The following DDAH1 variants were observed in gnomAD, a reference collection of about 807,000 sequenced individuals.
The protein encoded by DDAH1 is N(G),N(G)-dimethylarginine dimethylaminohydrolase 1.
Under a neutral mutation model 28.8 loss-of-function variants are expected in DDAH1, and 19 were observed. The observed-to-expected ratio is 0.66, with a 90% confidence interval of 0.46 to 0.97. The LOEUF (loss-of-function observed/expected upper bound fraction) is 0.97, where lower values mean the gene tolerates loss of function less well. Among genes scored for constraint, DDAH1 ranks in the 50% least tolerant of loss-of-function variants. The probability of loss-of-function intolerance (pLI) is 0.00; values close to 1 mark genes in which losing one functional copy is unlikely to be tolerated. For synonymous variants in DDAH1, 153 were observed against 154.4 expected (o/e 0.99, Z 0.07); for missense variants, 326 against 375.9 (o/e 0.87, Z 1.10).
chr1:85,381,691 C>T (rs1651001989), intron 1 of DDAH1, among the ~76,000 whole-genome samples: 1 of 151,500 alleles, frequency 6.6e-6, no homozygotes, highest in Non-Finnish European at 1.5e-5. Context: ...TTTTATTGCA[C>T]TTTGCTTTAT....
intron 1 of DDAH1, among the ~76,000 whole-genome samples, chr1:85,570,379 C>A (rs1163236677): frequency 2.0e-5 from 3 of 151,388 alleles, no homozygotes; most frequent in Non-Finnish European, 4.4e-5. Flanking sequence ...CACACACACA[C>A]ACACACACAC....
rs544671765 is a variant in DDAH1, at chr1:85,349,187, G to A, written c.597+1228C>T. Among the ~76,000 whole-genome samples the A allele has an allele frequency of 2.0e-5, 3 of 152,228 alleles. No individual in the cohort carries two copies. In the South Asian group the frequency reaches 6.2e-4, roughly 32 times the overall value. On this transcript the variant is annotated intron_variant, in intron 4 of 5. Transcript: ENST00000284031. Reference sequence around the variant, plus strand: ...ACAAAAGACATTCTCTAAAGTAAACGAACAAAAGCCACCATGATACAAATC... The same window carrying A: ...ACAAAAGACATTCTCTAAAGTAAACAAACAAAAGCCACCATGATACAAATC...
At chr1:85,434,034 T>TATC (rs1653822338) in intron 1 of DDAH1, among the ~76,000 whole-genome samples, 1 of 152,192 alleles carries the variant, frequency 6.6e-6, no homozygotes, top group Admixed American at 6.5e-5. Context: ...TAAGATACCA[T>TATC]ATCAGGATGT....
chr1:85,570,969 G>A lies in DDAH1; in HGVS notation c.-123+7015C>T, dbSNP rs576000119. 6.6e-5 allele frequency among the ~76,000 whole-genome samples: 10 copies of A among 152,294 alleles called. No homozygotes were observed. The South Asian group carries it at 8.3e-4, about 13-fold the overall frequency. On this transcript the variant is annotated intron_variant, in intron 1 of 6. Transcript: ENST00000426972. ...TGTAGCAGAAATGTAGAAAGAGGAC[G>A]GAACTTGGAGTCAGACAGGCCTGGA...
At chr1:85,350,338 C>T in intron 4 of DDAH1, 77 bp downstream of exon 4, 1 of 1,551,500 alleles carries the variant, frequency 6.4e-7, no homozygotes, top group Non-Finnish European at 8.7e-7. Context: ...CTTGTTACTC[C>T]CCCAGCAGAG....
chr1:85,549,925 C>T (rs541669134), intron 1 of DDAH1, among the ~76,000 whole-genome samples: 1 of 152,122 alleles, frequency 6.6e-6, no homozygotes, highest in East Asian at 1.9e-4. Flanking sequence ...TTCACTGGAA[C>T]CCAGAGCTCT....
intron 1 of DDAH1, among the ~76,000 whole-genome samples, chr1:85,521,313 G>A (rs1314232402): frequency 6.6e-6 from 1 of 151,562 alleles, no homozygotes; most frequent in Non-Finnish European, 1.5e-5. Flanking sequence ...TCATCACCGG[G>A]TCCCACTGCT....
upstream of DDAH1, chr1:85,467,229 G>A (rs915826838): frequency 2.0e-5 from 3 of 152,214 alleles, no homozygotes; most frequent in Admixed American, 1.3e-4. Context: ...GACTTTACCA[G>A]ACATTGAGGC....
intron 1 of DDAH1, among the ~76,000 whole-genome samples, chr1:85,530,160 G>A (rs1232915989): frequency 6.6e-6 from 1 of 152,194 alleles, no homozygotes; most frequent in Non-Finnish European, 1.5e-5. Context: ...TGTGAGGGAG[G>A]GAGGTAATAT....
intron 1 of DDAH1, among the ~76,000 whole-genome samples, chr1:85,454,953 C>T (rs1378418637): frequency 6.6e-6 from 1 of 152,142 alleles, no homozygotes; most frequent in African/African-American, 2.4e-5. Context: ...AATCAATAAC[C>T]TTTCGACTAG....
rs560688756 is a variant in DDAH1, at chr1:85,522,986, G to A, written c.-122-26705C>T. The stretch of plus-strand genomic sequence containing the variant: ...ATAAGAGAGGGTCCCTATCCTTGAT[G>A]AGACTGTAATCTAGCAGTAGAGACA... On this transcript the variant is annotated intron_variant, in intron 1 of 6. Transcript: ENST00000426972. Among the ~76,000 whole-genome samples the A allele has an allele frequency of 2.5e-3, 383 of 151,070 alleles. 2 individuals are homozygous for A. The Middle Eastern group carries it at 0.027, about 11-fold the overall frequency.
chr1:85,562,733 C>G (rs1659174502), intron 1 of DDAH1, among the ~76,000 whole-genome samples: 1 of 152,158 alleles, frequency 6.6e-6, no homozygotes, highest in South Asian at 2.1e-4. Flanking sequence ...TTTTCTATAA[C>G]CATTGAAGGT....
intron 1 of DDAH1, among the ~76,000 whole-genome samples, chr1:85,507,394 T>C (rs1040885994): frequency 6.6e-6 from 1 of 151,986 alleles, no homozygotes; most frequent in Non-Finnish European, 1.5e-5. Flanking sequence ...TCCCAGCTAC[T>C]TGGGAGGCTG....
At chr1:85,334,728 C>T (rs1036242608) in intron 4 of DDAH1, among the ~76,000 whole-genome samples, 1 of 152,060 alleles carries the variant, frequency 6.6e-6, no homozygotes, top group South Asian at 2.1e-4. Context: ...AATTAAACCT[C>T]TTTTCTTTAT....
intron 1 of DDAH1, among the ~76,000 whole-genome samples, chr1:85,461,316 G>C (rs1655116603): frequency 6.6e-6 from 1 of 152,070 alleles, no homozygotes; most frequent in African/African-American, 2.4e-5. Context: ...CTAAAACTTA[G>C]GCTTCCTGCA....
Position 85,423,599 on chromosome 1 carries a change from G to T in DDAH1, c.303+41144C>A, listed in dbSNP as rs539226258. On this transcript the variant is annotated intron_variant, in intron 1 of 5. Coordinates refer to ENST00000284031, the MANE Select transcript of DDAH1 (RefSeq NM_012137.4). The stretch of plus-strand genomic sequence containing the variant: ...TTTTAAATTCCAATTGTTCATTGCT[G>T]GTATGTAAGAAAGCAATCAACTTTT... 2.0e-5 allele frequency among the ~76,000 whole-genome samples: 3 copies of T among 151,864 alleles called. No individual in the cohort carries two copies. In the East Asian group the frequency reaches 5.8e-4, roughly 29 times the overall value.
intron 1 of DDAH1, among the ~76,000 whole-genome samples, chr1:85,573,369 T>A (rs1659513259): frequency 6.6e-6 from 1 of 152,228 alleles, no homozygotes; most frequent in African/African-American, 2.4e-5. Context: ...AGAGGTTAAT[T>A]GCTGATTCTC....
intron 2 of DDAH1, among the ~76,000 whole-genome samples, chr1:85,489,249 T>C (rs753125028): frequency 2.0e-5 from 3 of 152,190 alleles, no homozygotes; most frequent in Non-Finnish European, 2.9e-5. Context: ...ATAACCCTAC[T>C]GAAAGCAAAA....
At chr1:85,426,288 T>C (rs1050870586) in intron 1 of DDAH1, among the ~76,000 whole-genome samples, 2 of 152,204 alleles carry the variant, frequency 1.3e-5, no homozygotes, top group East Asian at 3.8e-4. Context: ...ACCTATAAAA[T>C]GGTGATATCC....
Sources: gnomAD v4.1 joint callset for allele counts (sites outside exome capture counted in the v4.1 genomes callset) on GRCh38, gnomAD v4.1.1 for gene constraint, MANE v1.5 for transcripts, NCBI Gene and HGNC (gene_info 2026-07-23, HGNC 2026-07-21) for gene names.